Variants in AGAP6 observed in about 807,000 individuals in gnomAD.
AGAP6 encodes ArfGAP with GTPase domain, ankyrin repeat and PH domain 6.
In AGAP6, 29 loss-of-function variants were observed where a neutral mutation model predicts 63.9. The ratio of observed to expected loss-of-function variants is 0.45; its 90% CI spans 0.34 to 0.62. The LOEUF (loss-of-function observed/expected upper bound fraction) is 0.62. Among genes scored for constraint, AGAP6 ranks in the 20% least tolerant of loss-of-function variants. The probability of loss-of-function intolerance (pLI) is 0.01; values close to 1 mark genes in which losing one functional copy is unlikely to be tolerated. For missense variants in AGAP6, 493 were observed against 884.9 expected, an observed-to-expected ratio of 0.56 and a Z score of 5.62; for synonymous variants, 199 against 332.9, an observed-to-expected ratio of 0.60 and a Z score of 4.38.
At chr10:49,995,876 A>G (rs538355400) in intron 4 of AGAP6, among the ~76,000 whole-genome samples, 16 of 152,260 alleles carry the variant, frequency 1.1e-4, no homozygotes, top group South Asian at 4.1e-4. Flanking sequence ...TCTTGAATCT[A>G]TTGCCAGTGT....
intron 4 of AGAP6, among the ~76,000 whole-genome samples, chr10:49,995,327 A>G (rs1344140344): frequency 2.6e-5 from 4 of 152,132 alleles, no homozygotes; most frequent in African/African-American, 9.7e-5. Flanking sequence ...TTCCTAGCCT[A>G]CGTTAGTTTA....
In AGAP6 at chr10:49,989,367, C is replaced by G. The variant is rs1476702150; in HGVS notation, c.283C>G (p.Gln95Glu). Residue 95 changes from glutamine (Q) to glutamate (E), a missense_variant, in exon 2 of 8, where the codon CAA becomes GAA. Gln to Glu is a conservative substitution (Grantham distance 29). Around this residue, in one of 7 missense-constraint regions of AGAP6, gnomAD observed 342 missense variants for 533.4 expected, o/e 0.64. Coordinates refer to ENST00000412531, the MANE Select transcript of AGAP6 (RefSeq NM_001077665.3). ...AAGCACAATATTCCAGAGGAACTCT[C>G]AAACAGAAGGTGAGACAACAGTGTC... is the stretch of plus-strand genomic sequence containing the variant. Reference protein sequence around the residue: ...ESSTIFQRNSQTEALEFNPSA... With the variant: ...ESSTIFQRNSETEALEFNPSA... 5 of 1,597,500 alleles carry G rather than the reference C, an allele frequency of 3.1e-6. No individual in the cohort carries two copies. Among genetic ancestry groups the G allele is most frequent in the Non-Finnish European group, 4.2e-6 (5 of 1,179,748 alleles).
chr10:49,988,785 G>C lies in AGAP6; in HGVS notation c.70G>C (p.Val24Leu), dbSNP rs781884456. ...CGAGTTTGACCAGCAGCAGGGGTCGGTGTGTCCCTCTGAATCTGAGACCTA... is the reference window on the plus strand; with the variant it reads ...CGAGTTTGACCAGCAGCAGGGGTCGCTGTGTCCCTCTGAATCTGAGACCTA... Reference protein sequence around the residue: ...SLEFDQQQGSVCPSESETYEA... With the variant: ...SLEFDQQQGSLCPSESETYEA... The change falls in exon 1 of 8, where the codon GTG becomes CTG. Residue 24 changes from valine (V) to leucine (L), a missense_variant. Coordinates refer to ENST00000412531, the MANE Select transcript of AGAP6 (RefSeq NM_001077665.3). The C allele has an allele frequency of 4.4e-6, 7 of 1,597,040 alleles. No homozygotes were observed. The South Asian group carries it at 6.6e-5, about 15-fold the overall frequency.
In AGAP6 at chr10:49,988,884, G is replaced by A. The variant is rs1240988293; in HGVS notation, c.169G>A (p.Glu57Lys). The A allele has an allele frequency of 6.3e-7, 1 of 1,599,784 alleles. No individual in the cohort carries two copies. The highest frequency in any genetic ancestry group is 1.3e-5 in the African/African-American group (1 of 74,430). ...TGTACAGCCTGCTGAGGTGACTGTT[G>A]AAGTTGGTGAGGACCTCCACATGCA... Reference protein sequence around the residue: ...AAVQPAEVTVEVGEDLHMHHV... With the variant: ...AAVQPAEVTVKVGEDLHMHHV... The change falls in exon 1 of 8, where the codon GAA (glutamate) becomes AAA (lysine). Residue 57 changes from glutamate (E) to lysine (K), a missense_variant. By Grantham distance (56) the Glu-to-Lys change is moderately conservative. Around this residue, in one of 7 missense-constraint regions of AGAP6, gnomAD observed 342 missense variants for 533.4 expected, o/e 0.64. Coordinates refer to ENST00000412531, the MANE Select transcript of AGAP6 (RefSeq NM_001077665.3).
At chr10:49,997,560 G>A (rs1554862199) in intron 4 of AGAP6, among the ~76,000 whole-genome samples, 1 of 151,960 alleles carries the variant, frequency 6.6e-6, no homozygotes. Flanking sequence ...TGCCCAAAAG[G>A]AGAGTGAAAA....
chr10:49,999,419 T>C lies in AGAP6; in HGVS notation c.397-2577T>C, dbSNP rs1399129703. Among the ~76,000 whole-genome samples the C allele has an allele frequency of 1.2e-4, 17 of 139,986 alleles. 4 individuals carry two copies. In the Admixed American group the frequency reaches 1.4e-3, roughly 11 times the overall value. The allele number at this position is 139,986 out of a possible 152,430, so 91.8% of individuals were successfully genotyped here. ...CATTTGACAAAATGCAGCATCCTTT[T>C]ATGATTAAAACCCTCAGCAAAATCA... On this transcript the variant is annotated intron_variant, in intron 4 of 7. Coordinates refer to ENST00000412531, the MANE Select transcript of AGAP6 (RefSeq NM_001077665.3).
chr10:50,005,402 G>A (rs1401841956), intron 6 of AGAP6, among the ~76,000 whole-genome samples: 6 of 152,122 alleles, frequency 3.9e-5, no homozygotes, highest in Admixed American at 3.3e-4. Context: ...ACAAGGTCAG[G>A]AGATCGAGAC....
rs562438643 is a variant in AGAP6, at chr10:50,009,728, A to C, written c.1603A>C (p.Ile535Leu). 6.1e-5 allele frequency: 98 copies of C among 1,614,134 alleles called. No homozygotes were observed. In the Middle Eastern group the frequency reaches 2.3e-3, roughly 38 times the overall value. Reference sequence around the variant, plus strand: ...TGAGCTCAGGAAGGTTATGTCATCTATTGTCAATGACCTAGCCAACAGCAT... The same window carrying C: ...TGAGCTCAGGAAGGTTATGTCATCTCTTGTCAATGACCTAGCCAACAGCAT... ...PVELRKVMSS[I>L]VNDLANSIWE... Residue 535 changes from isoleucine (I) to leucine (L), a missense_variant, in exon 8 of 8, where the codon ATT becomes CTT. By Grantham distance (5) the Ile-to-Leu change is conservative. This residue lies in a region of AGAP6 where 87 missense variants were observed against 92.9 expected (regional missense o/e 0.94). Coordinates refer to ENST00000412531, the MANE Select transcript of AGAP6 (RefSeq NM_001077665.3).
intron 4 of AGAP6, among the ~76,000 whole-genome samples, chr10:49,994,727 C>T (rs1189514359): frequency 1.3e-5 from 2 of 152,034 alleles, no homozygotes; most frequent in Non-Finnish European, 2.9e-5. Flanking sequence ...CTTTAGGAGG[C>T]CGAGGCAGGC....
chr10:49,990,877 A>G (rs1260386771), intron 2 of AGAP6, among the ~76,000 whole-genome samples: 1 of 152,152 alleles, frequency 6.6e-6, no homozygotes, highest in Admixed American at 6.5e-5. Context: ...AAACAAATGC[A>G]TTATGTGAAT....
intron 4 of AGAP6, among the ~76,000 whole-genome samples, chr10:49,997,311 T>A: frequency 6.6e-6 from 1 of 152,170 alleles, no homozygotes; most frequent in Non-Finnish European, 1.5e-5. Context: ...CTGGTCAACA[T>A]AGCAAGAGCT....
At chr10:49,994,746 T>A (rs1357699947) in intron 4 of AGAP6, among the ~76,000 whole-genome samples, 1 of 152,154 alleles carries the variant, frequency 6.6e-6, no homozygotes, top group Non-Finnish European at 1.5e-5. Flanking sequence ...GCTGATCATC[T>A]GAGGTCAGGA....
At chr10:50,006,595 T>C (rs1242278959) in intron 6 of AGAP6, among the ~76,000 whole-genome samples, 1 of 152,220 alleles carries the variant, frequency 6.6e-6, no homozygotes, top group African/African-American at 2.4e-5. Context: ...TAGGCTGGTC[T>C]CGAACTCCCG....
At chr10:49,990,234 T>A (rs1841214807) in intron 2 of AGAP6, among the ~76,000 whole-genome samples, 2 of 151,522 alleles carry the variant, frequency 1.3e-5, no homozygotes, top group African/African-American at 2.4e-5. Context: ...AGGTCAGGAG[T>A]TCGAGACCAG....
At chr10:49,997,499 G>A (rs1219196296) in intron 4 of AGAP6, among the ~76,000 whole-genome samples, 5 of 151,548 alleles carry the variant, frequency 3.3e-5, no homozygotes, top group African/African-American at 1.2e-4. Flanking sequence ...CCCTGTCTCG[G>A]AAAAAGGAAA....
Position 50,009,304 on chromosome 10 carries a change from C to G in AGAP6, c.1179C>G (p.Pro393=), listed in dbSNP as rs532204635. The G allele has an allele frequency of 3.0e-5, 48 of 1,608,216 alleles. No individual in the cohort carries two copies. The East Asian group carries it at 7.4e-4, about 25-fold the overall frequency. Residue 393 remains proline, a synonymous_variant, in exon 8 of 8, where the codon CCC becomes CCG. Transcript: ENST00000412531. ...STTSPKLNPP[P]SPHANKKKHL... Reference sequence around the variant, plus strand: ...CCAGCCCCAAGCTCAACCCGCCCCCCTCTCCTCATGCTAATAAAAAGAAAC... The same window carrying G: ...CCAGCCCCAAGCTCAACCCGCCCCCGTCTCCTCATGCTAATAAAAAGAAAC...
intron 5 of AGAP6, among the ~76,000 whole-genome samples, chr10:50,003,430 A>G (rs1365626695): frequency 6.6e-6 from 1 of 152,042 alleles, no homozygotes; most frequent in Non-Finnish European, 1.5e-5. Context: ...TCCCATCTCC[A>G]CTTTCCCTCT....
At chr10:49,989,198 T>C in intron 1 of AGAP6, 110 bp from the exon 2 acceptor site, 2 of 1,521,980 alleles carry the variant, frequency 1.3e-6, no homozygotes, top group Admixed American at 3.9e-5. Context: ...CAGGCTGGCA[T>C]GGGACCATTT....
chr10:50,005,906 A>G (rs1316410259), intron 6 of AGAP6, among the ~76,000 whole-genome samples: 1 of 143,996 alleles, frequency 6.9e-6, no homozygotes, highest in Non-Finnish European at 1.6e-5. Flanking sequence ...GGTGACAGAG[A>G]GAGACTCTGT....
Sources: gnomAD v4.1 joint callset for allele counts (sites outside exome capture counted in the v4.1 genomes callset) on GRCh38, gnomAD v4.1.1 for gene constraint, gnomAD v4.1.1 regional missense constraint, MANE v1.5 for transcripts, NCBI Gene and HGNC (gene_info 2026-07-23, HGNC 2026-07-21) for gene names.